Variants in SPTA1 observed in about 807,000 individuals in gnomAD.
SPTA1 encodes the protein spectrin alpha, erythrocytic 1.
In SPTA1, 177 loss-of-function variants were observed where a neutral mutation model predicts 324.7. The ratio of observed to expected loss-of-function variants is 0.55; its 90% CI spans 0.48 to 0.62. SPTA1 has a LOEUF of 0.62. Among genes scored for constraint, SPTA1 ranks in the 20% least tolerant of loss-of-function variants. The pLI is 0.00. For synonymous variants in SPTA1, 1,195 were observed against 1,041.3 expected (o/e 1.15, Z -2.84); for missense variants, 3,162 against 2,883.6 (o/e 1.10, Z -2.21).
chr1:158,663,682 T>C (rs1329415482), intron 16 of SPTA1, among the ~76,000 whole-genome samples: 1 of 152,152 alleles, frequency 6.6e-6, no homozygotes, highest in Non-Finnish European at 1.5e-5. Flanking sequence ...TTCTCGTTTG[T>C]TCATTGGGTA....
In SPTA1 at chr1:158,639,593, A is replaced by T. The variant is rs772817383; in HGVS notation, c.4969T>A (p.Leu1657Met). 6 of 1,613,888 alleles carry T rather than the reference A, an allele frequency of 3.7e-6. No homozygotes were observed. The highest frequency in any genetic ancestry group is 5.1e-6 in the Non-Finnish European group (6 of 1,179,860). The change falls in exon 35 of 52, where the codon TTG (leucine) becomes ATG (methionine). Residue 1657 changes from leucine (L) to methionine (M), a missense_variant. Transcript: ENST00000643759. Reference sequence around the variant, plus strand: ...CCAACACTACTTACCTCTCGAGCCAACATCTCTCTCTCCAATAGCTGATGC... The same window carrying T: ...CCAACACTACTTACCTCTCGAGCCATCATCTCTCTCTCCAATAGCTGATGC... ...KKHQLLEREM[L>M]AREDALKDLN... is the part of the protein sequence containing the mutation.
At chr1:158,639,464 A>T in intron 35 of SPTA1, 118 bp downstream of exon 35, 1 of 1,015,262 alleles carries the variant, frequency 9.8e-7, no homozygotes, top group Non-Finnish European at 1.6e-6. Flanking sequence ...CTGCTGGTTG[A>T]GAACACTAAG....
chr1:158,674,270 G>T, intron 10 of SPTA1, 59 bp downstream of exon 10: 1 of 1,442,994 alleles, frequency 6.9e-7, no homozygotes, highest in Non-Finnish European at 9.8e-7. Flanking sequence ...ATTATTGTGA[G>T]ATTATGTAAT....
At chr1:158,633,243 T>C (rs1240459635) in intron 39 of SPTA1, among the ~76,000 whole-genome samples, 1 of 152,218 alleles carries the variant, frequency 6.6e-6, no homozygotes. Context: ...GAATCTTAAC[T>C]GAATCTTGAC....
intron 38 of SPTA1, among the ~76,000 whole-genome samples, chr1:158,635,699 G>A (rs1042230457): frequency 6.6e-6 from 1 of 152,232 alleles, no homozygotes; most frequent in Non-Finnish European, 1.5e-5. Context: ...AATGCAGAAG[G>A]AGAGGTAGAT....
At chr1:158,642,344 AAAAAAG>A (rs1234024501) in intron 33 of SPTA1, 61 bp downstream of exon 33, 5 of 1,501,714 alleles carry the variant, frequency 3.3e-6, no homozygotes, top group Non-Finnish European at 4.5e-6. Flanking sequence ...ATAAATTAAA[AAAAAAG>A]AAAGAGTAAA....
intron 8 of SPTA1, among the ~76,000 whole-genome samples, chr1:158,675,577 C>A (rs533333456): frequency 1.3e-5 from 2 of 152,106 alleles, no homozygotes; most frequent in Non-Finnish European, 2.9e-5. Flanking sequence ...TACATTTTTT[C>A]ATATACCTAT....
At chr1:158,612,529 T>A (rs1571365409) in intron 51 of SPTA1, 1 of 411,154 alleles carries the variant, frequency 2.4e-6, no homozygotes, top group South Asian at 2.2e-5. Flanking sequence ...ATAGTAAGCA[T>A]TCAATAAATG....
chr1:158,614,055 A>C (rs1649410071), intron 49 of SPTA1, among the ~76,000 whole-genome samples, 188 bp from the exon 50 acceptor site: 1 of 152,208 alleles, frequency 6.6e-6, no homozygotes, highest in African/African-American at 2.4e-5. Flanking sequence ...AGAGAAAAGC[A>C]TAAAACATTG....
intron 6 of SPTA1, 130 bp from the exon 7 acceptor site, chr1:158,677,964 G>A (rs773941252): frequency 3.5e-6 from 4 of 1,128,936 alleles, no homozygotes; most frequent in Non-Finnish European, 5.2e-6. Flanking sequence ...CTACATACTA[G>A]CAAAAAGTAA....
Position 158,638,038 on chromosome 1 carries a change from C to A in SPTA1, c.5184G>T (p.Trp1728Cys). Residue 1728 changes from tryptophan to cysteine, a missense_variant, in exon 36 of 52, where the codon TGG becomes TGT. Trp to Cys is a radical substitution (Grantham distance 215). Coordinates refer to ENST00000643759, the MANE Select transcript of SPTA1 (RefSeq NM_003126.4). ...FFQDLDDEES[W>C]IEEKLIRVSS... ...TTTGAGCTGGTGGCACATACTCTATCCAGGATTCCTCATCATCTAGATCCT... is the reference window on the plus strand; with the variant it reads ...TTTGAGCTGGTGGCACATACTCTATACAGGATTCCTCATCATCTAGATCCT... 1 of 1,613,660 alleles carries A rather than the reference C, an allele frequency of 6.2e-7. No homozygotes were observed. The highest frequency in any genetic ancestry group is 8.5e-7 in the Non-Finnish European group (1 of 1,179,798).
Position 158,621,093 on chromosome 1 carries a change from T to C in SPTA1, c.6121-627A>G, listed in dbSNP as rs77360274. On this transcript the variant is annotated intron_variant, in intron 43 of 51. Coordinates refer to ENST00000643759, the MANE Select transcript of SPTA1 (RefSeq NM_003126.4). ...TCTTCTACCCTCTAACCTGTATCCTTAGCACAAATATATGTATCATTGTAT... is the reference window on the plus strand; with the variant it reads ...TCTTCTACCCTCTAACCTGTATCCTCAGCACAAATATATGTATCATTGTAT... Among the ~76,000 whole-genome samples the C allele has an allele frequency of 1.5e-3, 225 of 152,288 alleles. 3 individuals are homozygous for C. The East Asian group carries it at 0.038, about 25-fold the overall frequency.
At chr1:158,685,760 T>A (rs149567482) in intron 1 of SPTA1, among the ~76,000 whole-genome samples, 74 of 152,250 alleles carry the variant, frequency 4.9e-4, no homozygotes, top group African/African-American at 1.8e-3. Context: ...TAATAAATAA[T>A]TAAGAATGGC....
At chr1:158,683,828 T>C (rs1654981928) in intron 2 of SPTA1, among the ~76,000 whole-genome samples, 1 of 127,000 alleles carries the variant, frequency 7.9e-6, no homozygotes, top group Admixed American at 8.6e-5. Flanking sequence ...AAGATGATAG[T>C]TATAATAATG....
At chr1:158,661,523 T>C in intron 17 of SPTA1, 114 bp from the exon 18 acceptor site, 3 of 1,344,096 alleles carry the variant, frequency 2.2e-6, no homozygotes, top group Middle Eastern at 2.0e-4. Flanking sequence ...GTTCTAACCA[T>C]TGAGTAAGAT....
At chr1:158,654,791 T>C (rs781669067) in intron 20 of SPTA1, 43 bp from the exon 21 acceptor site, 4 of 1,609,762 alleles carry the variant, frequency 2.5e-6, no homozygotes, top group Non-Finnish European at 3.4e-6. Context: ...GCACTGGAAA[T>C]ATCTCCCTGT....
At chr1:158,637,890 T>C in intron 36 of SPTA1, 143 bp downstream of exon 36, 1 of 1,039,752 alleles carries the variant, frequency 9.6e-7, no homozygotes, top group Non-Finnish European at 1.5e-6. Flanking sequence ...AAAACCAATG[T>C]TAACCTTAAG....
chr1:158,652,937 T>C (rs113186742), intron 22 of SPTA1, among the ~76,000 whole-genome samples: 9 of 152,298 alleles, frequency 5.9e-5, no homozygotes, highest in African/African-American at 1.7e-4. Flanking sequence ...CATTTTTACA[T>C]GGTAACTGAC....
intron 6 of SPTA1, 47 bp from the exon 7 acceptor site, chr1:158,677,881 A>G: frequency 6.2e-7 from 1 of 1,611,758 alleles, no homozygotes. Flanking sequence ...AGCAAGCATT[A>G]CAGGGCAAAC....
Sources: allele counts gnomAD v4.1 joint callset (sites outside exome capture counted in the v4.1 genomes callset), GRCh38; gene constraint gnomAD v4.1.1; transcripts MANE v1.5; gene names NCBI Gene and HGNC (gene_info 2026-07-23, HGNC 2026-07-21).